The following ZNF469 variants were observed in gnomAD, a reference collection of about 807,000 sequenced individuals.
ZNF469 encodes the protein zinc finger protein 469.
In ZNF469, 1 loss-of-function variant was observed where a neutral mutation model predicts 1.0. The ratio of observed to expected loss-of-function variants is 1.00; its 90% CI spans 0.35 to 4.73. The LOEUF is 4.73. Among genes scored for constraint, ZNF469 ranks in the 30% most tolerant of loss-of-function variants. The probability of loss-of-function intolerance (pLI) is 0.16; values close to 1 mark genes in which losing one functional copy is unlikely to be tolerated. For synonymous variants in ZNF469, 2,703 were observed against 2,363.4 expected (o/e 1.14, Z -4.17); for missense variants, 6,100 against 5,356.3 (o/e 1.14, Z -4.33).
At chr16:88,363,506 T>C in the ZNF469 span, among the ~76,000 whole-genome samples, 1 of 152,218 alleles carries the variant, frequency 6.6e-6, no homozygotes, top group Non-Finnish European at 1.5e-5. Flanking sequence ...ACCCCATGCA[T>C]GTGTGGCTTG....
the ZNF469 span, among the ~76,000 whole-genome samples, chr16:88,353,359 A>G: frequency 6.6e-6 from 1 of 152,170 alleles, no homozygotes; most frequent in African/African-American, 2.4e-5. Flanking sequence ...AGGGCGGGAC[A>G]GTGTCACTAC....
the ZNF469 span, among the ~76,000 whole-genome samples, chr16:88,272,126 G>A: frequency 0.059 from 6,266 of 105,888 alleles, no homozygotes; most frequent in East Asian, 0.088. Flanking sequence ...TGAATTTTGG[G>A]TAAATGGGTA....
At position 88,398,754 on chromosome 16, in the gene ZNF469, C is replaced by T. The variant is rs150425130; in HGVS notation, c.-192+15500C>T. Among the ~76,000 whole-genome samples, 524 of 152,148 alleles carry T rather than the reference C, an allele frequency of 3.4e-3. 3 individuals carry two copies. The highest frequency in any genetic ancestry group is 0.012 in the African/African-American group (500 of 41,496). On this transcript the variant is annotated intron_variant, in intron 1 of 2. Coordinates refer to ENST00000565624, the MANE Select transcript of ZNF469 (RefSeq NM_001367624.2). ...AGTCCCAGAGGAAGGGACACATGGG[C>T]CAGCAGGATGGACTTGGACTTGGCT...
the ZNF469 span, chr16:88,194,155 A>G: frequency 1.3e-5 from 2 of 152,168 alleles, no homozygotes; most frequent in Admixed American, 6.5e-5. Flanking sequence ...GCTACTGATC[A>G]TCCTCTTCCT....
chr16:88,218,407 A>T, the ZNF469 span, among the ~76,000 whole-genome samples: 7 of 149,902 alleles, frequency 4.7e-5, no homozygotes, highest in African/African-American at 1.7e-4. Context: ...GTTCACTCTG[A>T]TGGTAGTTTC....
chr16:88,348,348 A>G, the ZNF469 span, among the ~76,000 whole-genome samples: 1 of 152,152 alleles, frequency 6.6e-6, no homozygotes, highest in African/African-American at 2.4e-5. Context: ...CTGTCCTTGT[A>G]GGGACACCCA....
the ZNF469 span, chr16:88,178,615 G>T: frequency 1.3e-5 from 2 of 152,148 alleles, no homozygotes; most frequent in Non-Finnish European, 2.9e-5. Context: ...CTTCCCAGAG[G>T]TTTGTTTTTA....
the ZNF469 span, among the ~76,000 whole-genome samples, chr16:88,256,898 CTTTCTTTCTTTCTT>C: frequency 4.3e-5 from 1 of 23,096 alleles, no homozygotes; most frequent in Non-Finnish European, 9.2e-5. Context: ...TTCTTTCCTT[CTTTCTTTCTTTCTT>C]TCTTTCTTTC....
In ZNF469 at chr16:88,438,662, G is replaced by A. The variant is rs1406257627; in HGVS notation, c.11192G>A (p.Ser3731Asn). 10 of 1,549,956 alleles carry A rather than the reference G, an allele frequency of 6.5e-6. No homozygotes were observed. In the African/African-American group the frequency reaches 1.2e-4, roughly 19 times the overall value. Residue 3731 changes from serine to asparagine, a missense_variant, in exon 3 of 3, where the codon AGC becomes AAC. Ser to Asn is a conservative substitution (Grantham distance 46). Coordinates refer to ENST00000565624, the MANE Select transcript of ZNF469 (RefSeq NM_001367624.2). ...ACCCCCAAAGCCAAACCCGGCCCCAGCTCCCAGGGCAGTGGAAGCCCTCGC... is the reference window on the plus strand; with the variant it reads ...ACCCCCAAAGCCAAACCCGGCCCCAACTCCCAGGGCAGTGGAAGCCCTCGC... ...PATPKAKPGP[S>N]SQGSGSPRPG...
the ZNF469 span, among the ~76,000 whole-genome samples, chr16:88,290,007 C>T: frequency 1.3e-5 from 2 of 152,210 alleles, no homozygotes; most frequent in African/African-American, 4.8e-5. Flanking sequence ...TGTCTGGGCA[C>T]TACTTGGGAA....
chr16:88,281,740 C>T, the ZNF469 span, among the ~76,000 whole-genome samples: 37 of 150,122 alleles, frequency 2.5e-4, no homozygotes, highest in East Asian at 1.4e-3. Context: ...GCCACACTGA[C>T]GCTTGGTCAG....
chr16:88,160,733 C>T, the ZNF469 span, among the ~76,000 whole-genome samples: 6 of 152,222 alleles, frequency 3.9e-5, no homozygotes, highest in Non-Finnish European at 8.8e-5. Flanking sequence ...GTGGGAGAGG[C>T]GTGGCACCTG....
the ZNF469 span, among the ~76,000 whole-genome samples, chr16:88,372,396 TACCATCACCATCATC>T: frequency 2.0e-4 from 14 of 69,208 alleles, no homozygotes; most frequent in South Asian, 9.7e-4. Flanking sequence ...TCACCATCAC[TACCATCACCATCATC>T]ACCATCACCA....
the ZNF469 span, among the ~76,000 whole-genome samples, chr16:88,244,011 C>T: frequency 2.6e-5 from 3 of 114,844 alleles, no homozygotes; most frequent in Non-Finnish European, 5.3e-5. Flanking sequence ...GATGGATGTA[C>T]GTATGGGTGA....
chr16:88,243,950 A>ATATATATG, the ZNF469 span, among the ~76,000 whole-genome samples: 1 of 72,450 alleles, frequency 1.4e-5, no homozygotes, highest in Non-Finnish European at 3.6e-5. Context: ...ATATATATAT[A>ATATATATG]TAAATGTATG....
the ZNF469 span, among the ~76,000 whole-genome samples, chr16:88,354,392 C>T: frequency 1.6e-3 from 249 of 152,228 alleles, no homozygotes; most frequent in African/African-American, 4.9e-3. Flanking sequence ...GGGACGCAGG[C>T]GGCGGGAGTG....
the ZNF469 span, among the ~76,000 whole-genome samples, chr16:88,293,679 TC>T: frequency 1.3e-5 from 2 of 152,192 alleles, no homozygotes; most frequent in Non-Finnish European, 2.9e-5. Flanking sequence ...GGGTGTATTT[TC>T]CCTCTTAACC....
chr16:88,321,122 G>A, the ZNF469 span, among the ~76,000 whole-genome samples: 1 of 152,278 alleles, frequency 6.6e-6, no homozygotes, highest in African/African-American at 2.4e-5. Context: ...CTGGCCCGGG[G>A]ATGCCGCAGG....
chr16:88,104,120 A>C, the ZNF469 span, among the ~76,000 whole-genome samples: 1 of 151,818 alleles, frequency 6.6e-6, no homozygotes, highest in Non-Finnish European at 1.5e-5. Flanking sequence ...AACTCTTTTC[A>C]TGGCTGAAAA....
Sources: allele counts gnomAD v4.1 joint callset (sites outside exome capture counted in the v4.1 genomes callset), GRCh38; gene constraint gnomAD v4.1.1; transcripts MANE v1.5; gene names NCBI Gene and HGNC (gene_info 2026-07-23, HGNC 2026-07-21).